PRTFDC1: variants seen among roughly 807,000 people sequenced by gnomAD.
PRTFDC1 encodes phosphoribosyltransferase domain-containing protein 1.
Under a neutral mutation model 34.6 loss-of-function variants are expected in PRTFDC1, and 38 were observed. The observed-to-expected ratio is 1.10, with a 90% CI of 0.85 to 1.44. The LOEUF (loss-of-function observed/expected upper bound fraction) is 1.44, where lower values mean the gene tolerates loss of function less well. Among genes scored for constraint, PRTFDC1 ranks in the 40% most tolerant of loss-of-function variants. PRTFDC1 has a pLI of 0.00. For missense variants in PRTFDC1, 270 were observed against 283.0 expected (o/e 0.95, Z 0.33); for synonymous variants, 93 against 98.1 (o/e 0.95, Z 0.31).
chr10:24,872,962 C>T (rs1215991634), intron 3 of PRTFDC1, among the ~76,000 whole-genome samples: 1 of 151,248 alleles, frequency 6.6e-6, no homozygotes, highest in African/African-American at 2.4e-5. Context: ...CAGGCACATA[C>T]CACAGTGCCT....
At chr10:24,932,515 T>C (rs937155066) in intron 3 of PRTFDC1, among the ~76,000 whole-genome samples, 2 of 151,944 alleles carry the variant, frequency 1.3e-5, no homozygotes, top group Non-Finnish European at 1.5e-5. Context: ...ATAATTGGAA[T>C]TTGAAATTCA....
intron 1 of PRTFDC1, chr10:24,951,705 A>G (rs2132628437): frequency 1.3e-6 from 1 of 746,888 alleles, no homozygotes; most frequent in Non-Finnish European, 1.6e-6. Flanking sequence ...CTTCTAGGAA[A>G]ACCACTTCTC....
intron 3 of PRTFDC1, among the ~76,000 whole-genome samples, chr10:24,936,803 A>AGAGGT (rs1301921244): frequency 1.3e-5 from 2 of 152,038 alleles, no homozygotes; most frequent in Non-Finnish European, 1.5e-5. Context: ...TGGGCTGGAC[A>AGAGGT]CCCTCCCATA....
rs1479565786 is a variant in PRTFDC1, at chr10:24,906,146, T to C, written c.339+31038A>G. 2.6e-5 allele frequency among the ~76,000 whole-genome samples: 4 copies of C among 152,198 alleles called. No individual in the cohort carries two copies. The East Asian group carries it at 7.7e-4, about 29-fold the overall frequency. On this transcript the variant is annotated intron_variant, in intron 3 of 8. Transcript: ENST00000320152. ...CATGGCGTGCTCCTTCCATCCCAGA[T>C]CAGGCTTCCTCCTGTAATCTTGGGC...
chr10:24,951,356 G>T (rs147486697), intron 1 of PRTFDC1, among the ~76,000 whole-genome samples: 183 of 152,204 alleles, frequency 1.2e-3, no homozygotes, highest in African/African-American at 4.3e-3. Context: ...ATGAAGACAA[G>T]GCCTTTGTCT....
intron 3 of PRTFDC1, among the ~76,000 whole-genome samples, chr10:24,884,523 C>A (rs184388496): frequency 2.6e-5 from 4 of 152,160 alleles, no homozygotes; most frequent in African/African-American, 9.7e-5. Flanking sequence ...CAGAGCCACC[C>A]GCAGAGCCAG....
At chr10:24,865,983 T>A (rs932855990) in intron 4 of PRTFDC1, among the ~76,000 whole-genome samples, 1 of 152,146 alleles carries the variant, frequency 6.6e-6, no homozygotes, top group African/African-American at 2.4e-5. Flanking sequence ...CTTAGTCAGA[T>A]GAAATAAAAA....
At position 24,862,541 on chromosome 10, in the gene PRTFDC1, A is replaced by C. The variant is rs984429675; in HGVS notation, c.406-4132T>G. Among the ~76,000 whole-genome samples, 3 of 151,764 alleles carry C rather than the reference A, an allele frequency of 2.0e-5. No individual in the cohort carries two copies. The South Asian group carries it at 6.3e-4, about 32-fold the overall frequency. ...AAGTGTGCACCATCACGCATGCATA[A>C]TTTTTGTATTTTTAGTAGAGATGGG... On this transcript the variant is annotated intron_variant, in intron 4 of 8. Coordinates refer to ENST00000320152, the MANE Select transcript of PRTFDC1 (RefSeq NM_020200.7).
intron 7 of PRTFDC1, among the ~76,000 whole-genome samples, chr10:24,854,313 A>G (rs560811380): frequency 1.3e-5 from 2 of 152,314 alleles, no homozygotes; most frequent in East Asian, 3.9e-4. Flanking sequence ...GATAATAGTA[A>G]TAGATGAGAA....
intron 1 of PRTFDC1, among the ~76,000 whole-genome samples, chr10:24,949,834 A>C (rs1484968696): frequency 6.6e-6 from 1 of 151,806 alleles, no homozygotes; most frequent in Non-Finnish European, 1.5e-5. Flanking sequence ...TTCCGGATTC[A>C]AGCAATTCTC....
intron 1 of PRTFDC1, among the ~76,000 whole-genome samples, chr10:24,947,474 C>T (rs565252834): frequency 2.6e-5 from 4 of 152,160 alleles, no homozygotes; most frequent in African/African-American, 7.2e-5. Context: ...CAGTACAATG[C>T]TTTCTCTGTT....
intron 4 of PRTFDC1, among the ~76,000 whole-genome samples, chr10:24,863,957 C>G (rs1475658332): frequency 7.0e-6 from 1 of 143,492 alleles, no homozygotes; most frequent in Non-Finnish European, 1.5e-5. Context: ...GAGGTAGAGG[C>G]TGTGGTGAGC....
intron 3 of PRTFDC1, among the ~76,000 whole-genome samples, chr10:24,905,849 C>A (rs1848525950): frequency 6.6e-6 from 1 of 152,020 alleles, no homozygotes; most frequent in African/African-American, 2.4e-5. Context: ...CTCATTCATT[C>A]TTTCTAATTA....
chr10:24,871,167 C>T (rs1304204896), intron 4 of PRTFDC1, among the ~76,000 whole-genome samples: 1 of 151,514 alleles, frequency 6.6e-6, no homozygotes, highest in East Asian at 1.9e-4. Flanking sequence ...TTTTCCCTAC[C>T]CGGGCATTGC....
At position 24,917,382 on chromosome 10, in the gene PRTFDC1, T is replaced by A. The variant is rs1848710642; in HGVS notation, c.339+19802A>T. On this transcript the variant is annotated intron_variant, in intron 3 of 8. Transcript: ENST00000320152. ...GCAAGTGTGTCTGTTGCAGTACACA[T>A]TTTTTTAACTTCCGAGAAATTTTTC... Among the ~76,000 whole-genome samples the A allele has an allele frequency of 2.0e-5, 3 of 152,288 alleles. No individual in the cohort carries two copies. In the East Asian group the frequency reaches 5.8e-4, roughly 29 times the overall value.
At chr10:24,871,859 A>G in intron 4 of PRTFDC1, 139 bp downstream of exon 4, 2 of 662,390 alleles carry the variant, frequency 3.0e-6, no homozygotes, top group Non-Finnish European at 5.2e-6. Flanking sequence ...GGAGATCATT[A>G]AAAGGATTCA....
intron 3 of PRTFDC1, among the ~76,000 whole-genome samples, chr10:24,884,752 G>A (rs1251547191): frequency 6.6e-6 from 1 of 152,126 alleles, no homozygotes; most frequent in Non-Finnish European, 1.5e-5. Flanking sequence ...GCCTACCTGG[G>A]GAAACAGGCA....
intron 7 of PRTFDC1, among the ~76,000 whole-genome samples, chr10:24,852,661 A>G (rs1218298055): frequency 6.6e-6 from 1 of 152,232 alleles, no homozygotes; most frequent in African/African-American, 2.4e-5. Context: ...GTCTTGAAAC[A>G]GAATAAAGGT....
intron 2 of PRTFDC1, among the ~76,000 whole-genome samples, chr10:24,938,076 A>G (rs951152424): frequency 3.3e-5 from 5 of 150,548 alleles, no homozygotes; most frequent in African/African-American, 1.2e-4. Context: ...AAATACAAAA[A>G]TTAGCCGGGC....
Sources: allele counts gnomAD v4.1 joint callset (sites outside exome capture counted in the v4.1 genomes callset), GRCh38; gene constraint gnomAD v4.1.1; transcripts MANE v1.5; gene names NCBI Gene and HGNC (gene_info 2026-07-23, HGNC 2026-07-21).